The following MTOR variants were observed in gnomAD, a reference collection of about 807,000 sequenced individuals.
MTOR encodes mechanistic target of rapamycin kinase, also known as serine/threonine-protein kinase mTOR.
In MTOR, 70 loss-of-function variants were observed where a neutral mutation model predicts 319.8. The ratio of observed to expected loss-of-function variants is 0.22; its 90% CI spans 0.18 to 0.27. The LOEUF (loss-of-function observed/expected upper bound fraction) is 0.27, where lower values mean the gene tolerates loss of function less well. Among genes scored for constraint, MTOR ranks in the 10% least tolerant of loss-of-function variants. The probability of loss-of-function intolerance (pLI) is 1.00; values close to 1 mark genes in which losing one functional copy is unlikely to be tolerated. For missense variants in MTOR, 1,890 were observed against 3,274.4 expected (o/e 0.58, Z 10.32); for synonymous variants, 1,183 against 1,211.4 (o/e 0.98, Z 0.49).
chr1:11,231,802 T>C (rs914489102), intron 16 of MTOR, among the ~76,000 whole-genome samples: 4 of 152,234 alleles, frequency 2.6e-5, no homozygotes, highest in Non-Finnish European at 5.9e-5. Flanking sequence ...AACAGTTCAC[T>C]GCAGCCTTAA....
intron 20 of MTOR, among the ~76,000 whole-genome samples, chr1:11,214,901 G>T (rs1646421636): frequency 6.6e-6 from 1 of 152,084 alleles, no homozygotes; most frequent in Non-Finnish European, 1.5e-5. Flanking sequence ...CTCCTCACAG[G>T]GGCTTCTCTA....
At chr1:11,253,716 TTTAC>T in intron 6 of MTOR, 119 bp downstream of exon 6, 2 of 1,095,574 alleles carry the variant, frequency 1.8e-6, no homozygotes, top group Non-Finnish European at 2.7e-6. Flanking sequence ...AATTATCTTA[TTTAC>T]TTATTTATTA....
At chr1:11,239,539 G>C (rs1389574288) in intron 11 of MTOR, among the ~76,000 whole-genome samples, 1 of 148,948 alleles carries the variant, frequency 6.7e-6, no homozygotes, top group African/African-American at 2.6e-5. Context: ...TTCTCCCCCT[G>C]AAATATATCT....
chr1:11,218,607 A>T (rs1646556029), intron 19 of MTOR, among the ~76,000 whole-genome samples: 8 of 152,076 alleles, frequency 5.3e-5, no homozygotes, highest in Admixed American at 5.2e-4. Flanking sequence ...AAGAGGAAAC[A>T]AGCTTCCTGG....
chr1:11,135,999 G>A (rs922859919), intron 36 of MTOR, among the ~76,000 whole-genome samples: 1 of 152,104 alleles, frequency 6.6e-6, no homozygotes, highest in African/African-American at 2.4e-5. Flanking sequence ...GCTGGGCGTG[G>A]TGGTGGCTGC....
chr1:11,242,973 A>C, intron 9 of MTOR, 141 bp downstream of exon 9: 1 of 765,562 alleles, frequency 1.3e-6, no homozygotes, highest in Non-Finnish European at 2.1e-6. Context: ...CAACTAAGGA[A>C]GGGCTGTTCT....
intron 8 of MTOR, among the ~76,000 whole-genome samples, chr1:11,247,409 T>C (rs1648991685): frequency 2.0e-5 from 3 of 152,218 alleles, no homozygotes; most frequent in Admixed American, 2.0e-4. Flanking sequence ...AAAATTTGCT[T>C]GGCCATAGAA....
intron 47 of MTOR, among the ~76,000 whole-genome samples, chr1:11,122,807 G>A (rs1642613057): frequency 6.6e-6 from 1 of 151,902 alleles, no homozygotes; most frequent in Non-Finnish European, 1.5e-5. Flanking sequence ...GCGCCCGGCG[G>A]CCCTGACTAT....
In MTOR at chr1:11,238,403, A is replaced by G; in HGVS notation, c.2001T>C (p.Pro667=). The G allele has an allele frequency of 1.2e-6, 2 of 1,613,848 alleles. No individual in the cohort carries two copies. Among genetic ancestry groups the G allele is most frequent in the Non-Finnish European group, 1.7e-6 (2 of 1,180,004 alleles). ...SKLLVVGITD[P]DPDIRYCVLA... is the part of the protein sequence containing the mutation. ...TTCCTTCTGTCTGGCAAGCCTTACC[A>G]GGATCTGTTATCCCAACTACGAGCA... Residue 667 remains proline (P), a splice_region_variant and synonymous_variant, in exon 12 of 58, where the codon CCT becomes CCC. Transcript: ENST00000361445.
chr1:11,108,718 A>G (rs920392075), intron 56 of MTOR, among the ~76,000 whole-genome samples: 22 of 150,000 alleles, frequency 1.5e-4, no homozygotes, highest in Non-Finnish European at 3.1e-4. Flanking sequence ...GTCTCAAAAA[A>G]AAAAAAAAAA....
intron 28 of MTOR, among the ~76,000 whole-genome samples, chr1:11,182,843 T>C (rs767862284): frequency 3.3e-5 from 5 of 152,384 alleles, no homozygotes; most frequent in Admixed American, 2.0e-4. Context: ...GGTGTGAATA[T>C]ACCACCATTT....
intron 19 of MTOR, among the ~76,000 whole-genome samples, chr1:11,222,943 C>T (rs577881071): frequency 6.6e-6 from 1 of 152,182 alleles, no homozygotes; most frequent in East Asian, 1.9e-4. Context: ...CTTTACATCA[C>T]TAGCAGTGGG....
rs756036721 is a variant in MTOR, at chr1:11,127,708, C to T, written c.6132G>A (p.Val2044=). ...ASRLYFGERN[V]KGMFEVLEPL... ...GCTCCAGCACCTCAAACATGCCTTT[C>T]ACGTTCCTTTCCCCAAAGTACAAAC... Residue 2044 remains valine (V), a synonymous_variant, in exon 44 of 58, where the codon GTG becomes GTA. Transcript: ENST00000361445. This position sits in a 1 kb window ranked among gnomAD's most constrained non-coding sequence, Gnocchi z 5.5. 10 of 1,614,034 alleles carry T rather than the reference C, an allele frequency of 6.2e-6. No homozygotes were observed. The highest frequency in any genetic ancestry group is 8.5e-6 in the Non-Finnish European group (10 of 1,180,046).
chr1:11,243,959 G>A (rs146915152), intron 8 of MTOR, among the ~76,000 whole-genome samples: 8 of 152,044 alleles, frequency 5.3e-5, no homozygotes, highest in Admixed American at 6.5e-5. Flanking sequence ...GTTTGAGGCC[G>A]CACTGAGCCA....
chr1:11,240,590 C>A, intron 10 of MTOR, 43 bp from the exon 11 acceptor site: 1 of 1,592,352 alleles, frequency 6.3e-7, no homozygotes, highest in Non-Finnish European at 8.6e-7. Context: ...GGGCACATGA[C>A]ACTCAGTCTG....
In MTOR at chr1:11,139,731, G is replaced by A. The variant is rs1220113608; in HGVS notation, c.4873-73C>T. On this transcript the variant is annotated intron_variant, in intron 34 of 57. Transcript: ENST00000361445. ...TTTTGTGGCAGAGTCTTGCTCTGTC[G>A]CCCAGGCTGGAGTGCAGTGGTGCAA... 13 of 1,579,232 alleles carry A rather than the reference G, an allele frequency of 8.2e-6. 1 individual carries two copies. The highest frequency in any genetic ancestry group is 5.7e-5 in the South Asian group (5 of 87,540).
chr1:11,259,073 G>T (rs1650785227), intron 2 of MTOR, among the ~76,000 whole-genome samples, 175 bp downstream of exon 2: 2 of 152,200 alleles, frequency 1.3e-5, no homozygotes. Context: ...CTACAAAAAT[G>T]TGCAACTGCT....
At chr1:11,214,416 G>A (rs1303178471) in intron 20 of MTOR, among the ~76,000 whole-genome samples, 1 of 152,108 alleles carries the variant, frequency 6.6e-6, no homozygotes, top group Non-Finnish European at 1.5e-5. Flanking sequence ...TCTAACTCCA[G>A]GAAAAGATAT....
At chr1:11,232,815 C>G in intron 15 of MTOR, 1 of 506,586 alleles carries the variant, frequency 2.0e-6, no homozygotes, top group Non-Finnish European at 3.5e-6. Flanking sequence ...ATGGAGGTTG[C>G]AGTGAGCCAA....
Sources: gnomAD v4.1 joint callset for allele counts (sites outside exome capture counted in the v4.1 genomes callset) on GRCh38, gnomAD v4.1.1 for gene constraint, Gnocchi (gnomAD v3.1) non-coding constraint, MANE v1.5 for transcripts, NCBI Gene and HGNC (gene_info 2026-07-23, HGNC 2026-07-21) for gene names.